FSIP1: variants seen among roughly 807,000 people sequenced by gnomAD.
The protein encoded by FSIP1 is fibrous sheath-interacting protein 1.
In FSIP1, 65 loss-of-function variants were observed where a neutral mutation model predicts 60.9. The ratio of observed to expected loss-of-function variants is 1.07; its 90% confidence interval spans 0.87 to 1.31. FSIP1 has a LOEUF of 1.31. Ranked by LOEUF, FSIP1 falls within the 40% of genes most tolerant of loss-of-function variation. The probability of loss-of-function intolerance (pLI) is 0.00; values close to 1 mark genes in which losing one functional copy is unlikely to be tolerated. For missense variants in FSIP1, 675 were observed against 665.5 expected, an observed-to-expected ratio of 1.01 and a Z score of -0.16; for synonymous variants, 209 against 221.2, an observed-to-expected ratio of 0.94 and a Z score of 0.49.
intron 10 of FSIP1, among the ~76,000 whole-genome samples, chr15:39,674,022 G>C (rs1893825603): frequency 6.6e-6 from 1 of 151,494 alleles, no homozygotes; most frequent in Non-Finnish European, 1.5e-5. Flanking sequence ...ATTAAGTATA[G>C]AGAAGGGAAC....
rs1209679504 is a variant in FSIP1 at position 39,600,946 on chromosome 15, CCA to C, written c.1700-22_1700-21del. 1 of 1,590,464 alleles carries C rather than the reference CCA, an allele frequency of 6.3e-7. No homozygotes were observed. The highest frequency in any genetic ancestry group is 1.8e-5 in the Admixed American group (1 of 56,004). ...GCTCATCTGCACATAAAAACAATAA[CCA>C]CAGTTATTAGAGATTCAGAAATGTA... On this transcript the variant is annotated intron_variant, in intron 11 of 11. Transcript: ENST00000350221.
Position 39,738,204 on chromosome 15 carries a change from A to G in FSIP1, c.781-3T>C, listed in dbSNP as rs767745740. The G allele has an allele frequency of 1.3e-6, 2 of 1,582,540 alleles. No individual in the cohort carries two copies. Among genetic ancestry groups the G allele is most frequent in the Admixed American group, 3.4e-5 (2 of 58,282 alleles). Reference sequence around the variant, plus strand: ...GGGTTTCTTGATTCCTTGGCCAACTACAGAATTTATTAATGGAAAATATCA... The same window carrying G: ...GGGTTTCTTGATTCCTTGGCCAACTGCAGAATTTATTAATGGAAAATATCA... On this transcript the variant is annotated splice_polypyrimidine_tract_variant and splice_region_variant and intron_variant, in intron 7 of 11. Transcript: ENST00000350221.
rs1395552997 is a variant in FSIP1, at chr15:39,610,219, A to G, written c.1699+7516T>C. ...AACTTTCTTATAATAAAATTCTAAG[A>G]AAGATATGATAAAGAAAAAGGCCCA... On this transcript the variant is annotated intron_variant, in intron 11 of 11. Transcript: ENST00000350221. Among the ~76,000 whole-genome samples, 8 of 152,342 alleles carry G rather than the reference A, an allele frequency of 5.3e-5. No homozygotes were observed. In the East Asian group the frequency reaches 9.6e-4, roughly 18 times the overall value.
intron 10 of FSIP1, among the ~76,000 whole-genome samples, chr15:39,677,982 G>A (rs1406269261): frequency 2.7e-5 from 4 of 147,956 alleles, no homozygotes; most frequent in Admixed American, 1.3e-4. Context: ...GTGACAGAGC[G>A]AGAATTCGTC....
intron 5 of FSIP1, among the ~76,000 whole-genome samples, chr15:39,762,424 C>T (rs572997366): frequency 4.6e-5 from 7 of 152,262 alleles, no homozygotes; most frequent in South Asian, 2.1e-4. Context: ...TTTTTAAAGG[C>T]CCACCCTAAT....
chr15:39,635,328 T>C (rs1892086489), intron 10 of FSIP1, among the ~76,000 whole-genome samples: 2 of 150,788 alleles, frequency 1.3e-5, no homozygotes, highest in Non-Finnish European at 1.5e-5. Context: ...AGAGAGACTC[T>C]GTCTCAAAAA....
At chr15:39,617,140 T>A (rs964342610) in intron 11 of FSIP1, among the ~76,000 whole-genome samples, 1 of 152,174 alleles carries the variant, frequency 6.6e-6, no homozygotes, top group African/African-American at 2.4e-5. Flanking sequence ...AAAAATTGAA[T>A]CTATTTAAAT....
chr15:39,676,009 CA>C (rs10706666), intron 10 of FSIP1, among the ~76,000 whole-genome samples: 53,923 of 145,360 alleles, frequency 0.37, 10,449 homozygotes, highest in African/African-American at 0.5. Flanking sequence ...ACTAAAAATA[CA>C]AAAAAAAAAA....
At chr15:39,713,011 T>C (rs1249154963) in intron 10 of FSIP1, among the ~76,000 whole-genome samples, 2 of 152,328 alleles carry the variant, frequency 1.3e-5, no homozygotes, top group African/African-American at 2.4e-5. Flanking sequence ...ATTAGGATTA[T>C]GGATTATTAT....
intron 1 of FSIP1, among the ~76,000 whole-genome samples, chr15:39,780,904 T>TA (rs1898241338): frequency 1.3e-5 from 2 of 152,138 alleles, no homozygotes; most frequent in African/African-American, 4.8e-5. Context: ...ATAAAATTTC[T>TA]AAAAAATACA....
chr15:39,683,007 C>A (rs1004862381), intron 10 of FSIP1, among the ~76,000 whole-genome samples: 2 of 152,006 alleles, frequency 1.3e-5, no homozygotes, highest in African/African-American at 4.8e-5. Flanking sequence ...AAGAGAATAA[C>A]AATAAATATA....
At chr15:39,694,659 G>A (rs911329060) in intron 10 of FSIP1, among the ~76,000 whole-genome samples, 1 of 151,992 alleles carries the variant, frequency 6.6e-6, no homozygotes, top group Non-Finnish European at 1.5e-5. Flanking sequence ...AATCAGCTGG[G>A]TATGGTGGTG....
intron 10 of FSIP1, among the ~76,000 whole-genome samples, chr15:39,708,490 A>G (rs901206283): frequency 3.3e-5 from 5 of 152,114 alleles, no homozygotes; most frequent in Non-Finnish European, 5.9e-5. Context: ...TTCCTCCTCC[A>G]CTATAAAGAA....
intron 10 of FSIP1, among the ~76,000 whole-genome samples, chr15:39,622,874 C>T (rs527499088): frequency 1.3e-5 from 2 of 152,320 alleles, no homozygotes; most frequent in East Asian, 3.9e-4. Context: ...TCCATTCTAT[C>T]AGATACAGAA....
intron 11 of FSIP1, among the ~76,000 whole-genome samples, chr15:39,601,221 T>C (rs1243463379): frequency 6.6e-6 from 1 of 152,236 alleles, no homozygotes; most frequent in Non-Finnish European, 1.5e-5. Flanking sequence ...TTTTGCTTTC[T>C]ACTAAGTTTC....
intron 10 of FSIP1, among the ~76,000 whole-genome samples, chr15:39,709,196 G>A (rs997178595): frequency 2.6e-5 from 4 of 152,074 alleles, no homozygotes; most frequent in African/African-American, 9.7e-5. Context: ...TTCTCCCATC[G>A]CTAAAACAGG....
intron 9 of FSIP1, among the ~76,000 whole-genome samples, chr15:39,714,741 G>A (rs1156398029): frequency 1.3e-5 from 2 of 151,596 alleles, no homozygotes; most frequent in Non-Finnish European, 2.9e-5. Context: ...GGTCAAGTCA[G>A]GAGGATCCCT....
At chr15:39,621,075 T>C (rs1417569159) in intron 10 of FSIP1, among the ~76,000 whole-genome samples, 4 of 132,164 alleles carry the variant, frequency 3.0e-5, no homozygotes, top group African/African-American at 9.8e-5. Flanking sequence ...AAAAAAAAAA[T>C]ACAAAATTAC....
chr15:39,718,933 C>A (rs997199957), intron 9 of FSIP1, among the ~76,000 whole-genome samples: 3 of 152,312 alleles, frequency 2.0e-5, no homozygotes, highest in Admixed American at 2.0e-4. Context: ...GAAGTCACCT[C>A]CTCTTTCTGG....
Sources: allele counts gnomAD v4.1 joint callset (sites outside exome capture counted in the v4.1 genomes callset), GRCh38; gene constraint gnomAD v4.1.1; transcripts MANE v1.5; gene names NCBI Gene and HGNC (gene_info 2026-07-23, HGNC 2026-07-21).